The following CTNNBL1 variants were observed in gnomAD, a reference collection of about 807,000 sequenced individuals.
CTNNBL1 encodes the protein beta-catenin-like protein 1.
In CTNNBL1, 31 loss-of-function variants were observed where a neutral mutation model predicts 72.7. That is an observed-to-expected ratio of 0.43 (90% CI 0.32 to 0.58). The LOEUF (loss-of-function observed/expected upper bound fraction) is 0.58, where lower values mean the gene tolerates loss of function less well. Ranked by LOEUF, CTNNBL1 falls within the 20% of genes least tolerant of loss-of-function variation. The probability of loss-of-function intolerance (pLI) is 0.08; values close to 1 mark genes in which losing one functional copy is unlikely to be tolerated. For missense variants in CTNNBL1, 534 were observed against 725.1 expected, an observed-to-expected ratio of 0.74 and a Z score of 3.03; for synonymous variants, 240 against 267.3, an observed-to-expected ratio of 0.90 and a Z score of 1.00.
chr20:37,754,321 A>G (rs1457167788), intron 4 of CTNNBL1, among the ~76,000 whole-genome samples: 1 of 115,052 alleles, frequency 8.7e-6, no homozygotes, highest in Non-Finnish European at 1.7e-5. Flanking sequence ...GGGTCTCACT[A>G]TGTTGCCCAG....
chr20:37,720,736 A>C lies in CTNNBL1; in HGVS notation c.31-12143A>C, dbSNP rs1330117476. ...CACTTTAGTGAGTATATATATGCTA[A>C]TATATATAGAGCCAAAAATCTGTCT... On this transcript the variant is annotated intron_variant, in intron 1 of 15. Transcript: ENST00000361383. Among the ~76,000 whole-genome samples, 213 of 152,218 alleles carry C rather than the reference A, an allele frequency of 1.4e-3. 1 individual carries two copies. The highest frequency in any genetic ancestry group is 4.4e-4 in the Non-Finnish European group (30 of 68,026).
rs758523770 is a variant in CTNNBL1 at position 37,733,003 on chromosome 20, C to T, written c.155C>T (p.Ala52Val). 15 of 1,613,548 alleles carry T rather than the reference C, an allele frequency of 9.3e-6. No individual in the cohort carries two copies. In the Admixed American group the frequency reaches 1.2e-4, roughly 13 times the overall value. ...GAAGAAATGACTGTGGTGGAGGAAGCGGATGATGACAAAAAAAGGCTGCTG... is the reference window on the plus strand; with the variant it reads ...GAAGAAATGACTGTGGTGGAGGAAGTGGATGATGACAAAAAAAGGCTGCTG... ...REEEMTVVEE[A>V]DDDKKRLLQI... is the part of the protein sequence containing the mutation. Residue 52 changes from alanine (A) to valine (V), a missense_variant, in exon 2 of 16, where the codon GCG becomes GTG. Transcript: ENST00000361383.
At chr20:37,811,449 A>G (rs921934752) in intron 11 of CTNNBL1, among the ~76,000 whole-genome samples, 3 of 152,192 alleles carry the variant, frequency 2.0e-5, no homozygotes, top group African/African-American at 4.8e-5. Flanking sequence ...TTTTGTTGCT[A>G]TTTGAAAATC....
At chr20:37,776,596 G>T (rs1296247278) in intron 7 of CTNNBL1, among the ~76,000 whole-genome samples, 2 of 152,062 alleles carry the variant, frequency 1.3e-5, no homozygotes, top group Non-Finnish European at 2.9e-5. Flanking sequence ...CTTTATCCAG[G>T]GGGCAGTGAT....
chr20:37,740,746 G>C (rs2122612897), intron 3 of CTNNBL1, among the ~76,000 whole-genome samples: 1 of 152,282 alleles, frequency 6.6e-6, no homozygotes, highest in East Asian at 1.9e-4. Flanking sequence ...TCATGTCATG[G>C]AGCCCTTCAG....
rs2073234439 is a variant in CTNNBL1 at position 37,743,331 on chromosome 20, A to G, written c.327-3137A>G. ...AAGGATTATGTAGATCTCCTGGCCCATGGAATATTTGAATCCTTCTGCACC... is the reference window on the plus strand; with the variant it reads ...AAGGATTATGTAGATCTCCTGGCCCGTGGAATATTTGAATCCTTCTGCACC... On this transcript the variant is annotated intron_variant, in intron 3 of 15. Coordinates refer to ENST00000361383, the MANE Select transcript of CTNNBL1 (RefSeq NM_030877.5). 2.0e-5 allele frequency among the ~76,000 whole-genome samples: 3 copies of G among 149,280 alleles called. 1 individual carries two copies. The highest frequency in any genetic ancestry group is 4.2e-4 in the South Asian group (2 of 4,712).
intron 7 of CTNNBL1, 63 bp downstream of exon 7, chr20:37,768,107 G>A: frequency 1.5e-6 from 2 of 1,361,276 alleles, no homozygotes; most frequent in Non-Finnish European, 2.1e-6. Flanking sequence ...GATTGATGCT[G>A]GGTTATTGGC....
In CTNNBL1 at chr20:37,765,287, C is replaced by T. The variant is rs1223703522; in HGVS notation, c.655C>T (p.Leu219=). 1.3e-6 allele frequency: 2 copies of T among 1,546,986 alleles called. No homozygotes were observed. The highest frequency in any genetic ancestry group is 2.7e-5 in the African/African-American group (2 of 72,944). ...KEEADGVHNT[L]AIVENMAEFR... is the part of the protein sequence containing the mutation. ...GGAGGCAGATGGCGTCCACAACACTCTGGGTGAGAGGAAGGGTGCTTGCCA... is the reference window on the plus strand; with the variant it reads ...GGAGGCAGATGGCGTCCACAACACTTTGGGTGAGAGGAAGGGTGCTTGCCA... Residue 219 remains leucine, a synonymous_variant, in exon 6 of 16, where the codon CTG becomes TTG. Transcript: ENST00000361383.
intron 15 of CTNNBL1, among the ~76,000 whole-genome samples, chr20:37,860,734 T>G (rs1310847855): frequency 6.6e-6 from 1 of 152,242 alleles, no homozygotes; most frequent in Non-Finnish European, 1.5e-5. Context: ...CAGTTTTGCT[T>G]TCAGTTACAC....
At chr20:37,805,205 G>A (rs997780933) in intron 11 of CTNNBL1, among the ~76,000 whole-genome samples, 10 of 152,204 alleles carry the variant, frequency 6.6e-5, no homozygotes, top group East Asian at 1.9e-4. Context: ...CCCTTCTCAC[G>A]TAAGTGGGCC....
chr20:37,711,526 C>T (rs2072938086), intron 1 of CTNNBL1, among the ~76,000 whole-genome samples: 2 of 149,398 alleles, frequency 1.3e-5, no homozygotes, highest in Admixed American at 6.7e-5. Flanking sequence ...GAACTTACAT[C>T]CAGGGAGGCA....
At chr20:37,806,709 A>C (rs2071963735) in intron 11 of CTNNBL1, among the ~76,000 whole-genome samples, 1 of 152,214 alleles carries the variant, frequency 6.6e-6, no homozygotes, top group South Asian at 2.1e-4. Context: ...TAAGACACAA[A>C]GTTTGTGTAT....
chr20:37,817,918 T>C (rs549305429), intron 11 of CTNNBL1, among the ~76,000 whole-genome samples: 8 of 152,152 alleles, frequency 5.3e-5, no homozygotes, highest in African/African-American at 1.9e-4. Context: ...AAGAAGTGGG[T>C]CTGGAAATAT....
chr20:37,763,233 C>T (rs563177039), intron 5 of CTNNBL1, among the ~76,000 whole-genome samples: 6 of 152,266 alleles, frequency 3.9e-5, no homozygotes, highest in South Asian at 2.1e-4. Context: ...TTTCTGTTTT[C>T]TCTCACGTAC....
chr20:37,853,328 T>A (rs1455705765), intron 13 of CTNNBL1, among the ~76,000 whole-genome samples: 1 of 152,222 alleles, frequency 6.6e-6, no homozygotes, highest in Non-Finnish European at 1.5e-5. Context: ...TAGATCAGAC[T>A]CCTTCACTTC....
At chr20:37,867,078 T>C (rs1025010552) in intron 15 of CTNNBL1, among the ~76,000 whole-genome samples, 3 of 152,182 alleles carry the variant, frequency 2.0e-5, no homozygotes, top group African/African-American at 7.2e-5. Context: ...GCATCCCTGA[T>C]GAAATGAGAA....
At chr20:37,748,887 A>G (rs779914469) in intron 4 of CTNNBL1, among the ~76,000 whole-genome samples, 2 of 152,236 alleles carry the variant, frequency 1.3e-5, no homozygotes, top group African/African-American at 2.4e-5. Flanking sequence ...TAAACATTCC[A>G]TCTTTGGCAG....
chr20:37,847,849 G>A (rs1265728885), intron 13 of CTNNBL1: 2 of 152,762 alleles, frequency 1.3e-5, no homozygotes, highest in Admixed American at 1.3e-4. Flanking sequence ...ATCATTCCAG[G>A]CTTTACCTGA....
intron 13 of CTNNBL1, among the ~76,000 whole-genome samples, chr20:37,852,410 G>T (rs1009295133): frequency 4.6e-5 from 7 of 152,168 alleles, no homozygotes; most frequent in African/African-American, 1.7e-4. Flanking sequence ...CAGGGAAGAT[G>T]AATTTATTGA....
Sources: allele counts gnomAD v4.1 joint callset (sites outside exome capture counted in the v4.1 genomes callset), GRCh38; gene constraint gnomAD v4.1.1; transcripts MANE v1.5; gene names NCBI Gene and HGNC (gene_info 2026-07-23, HGNC 2026-07-21).